The following RGS6 variants were observed in gnomAD, a reference collection of about 807,000 sequenced individuals.
RGS6 encodes the protein regulator of G-protein signaling 6.
RGS6 carries 30 observed loss-of-function variants against 78.5 expected under a neutral mutation model. The observed-to-expected ratio is 0.38, with a 90% CI of 0.29 to 0.52. RGS6 has a LOEUF of 0.52. RGS6 is among the 20% of genes least tolerant of loss of function. The pLI is 0.85. For synonymous variants in RGS6, 206 were observed against 206.0 expected, an observed-to-expected ratio of 1.00 and a Z score of 0.00; for missense variants, 495 against 609.7, an observed-to-expected ratio of 0.81 and a Z score of 1.98.
At chr14:72,429,851 G>A (rs771986303) in intron 3 of RGS6, among the ~76,000 whole-genome samples, 5 of 152,060 alleles carry the variant, frequency 3.3e-5, no homozygotes, top group African/African-American at 7.3e-5. Context: ...TCATGGGAGC[G>A]GTTTCCTCCA....
At chr14:71,880,032 T>C in the RGS6 span, among the ~76,000 whole-genome samples, 1 of 152,204 alleles carries the variant, frequency 6.6e-6, no homozygotes, top group Non-Finnish European at 1.5e-5. Flanking sequence ...TGGTCTCAGA[T>C]GGAGATGAGG....
chr14:72,502,765 AGAAAAGAAAG>A (rs1253762649), intron 13 of RGS6, among the ~76,000 whole-genome samples: 2 of 145,860 alleles, frequency 1.4e-5, no homozygotes, highest in Middle Eastern at 3.4e-3. Flanking sequence ...CTCCATCTCA[AGAAAAGAAAG>A]GAAAAGAAAA....
At chr14:72,039,763 C>T (rs541326274) in intron 2 of RGS6, among the ~76,000 whole-genome samples, 19 of 146,126 alleles carry the variant, frequency 1.3e-4, no homozygotes, top group Admixed American at 3.4e-4. Flanking sequence ...TCTATCTATT[C>T]CTCTTTTCCT....
intron 2 of RGS6, among the ~76,000 whole-genome samples, chr14:72,091,633 G>A (rs2095271647): frequency 6.6e-6 from 1 of 152,184 alleles, no homozygotes; most frequent in African/African-American, 2.4e-5. Flanking sequence ...TAAAGAGAAT[G>A]TAAATGGTTT....
intron 2 of RGS6, among the ~76,000 whole-genome samples, chr14:72,071,476 A>G (rs2332712): frequency 0.71 from 108,166 of 152,108 alleles, 38,564 homozygotes; most frequent in East Asian, 0.81. Flanking sequence ...GTAATTACAA[A>G]TGGCTTTCCA....
the RGS6 span, among the ~76,000 whole-genome samples, chr14:71,878,403 G>C: frequency 2.0e-5 from 3 of 152,190 alleles, no homozygotes; most frequent in African/African-American, 7.2e-5. Flanking sequence ...CCCTAGCCTT[G>C]CTGCTGCCGC....
chr14:72,228,168 C>T (rs2048599461), intron 2 of RGS6, among the ~76,000 whole-genome samples: 2 of 152,172 alleles, frequency 1.3e-5, no homozygotes, highest in South Asian at 4.2e-4. Flanking sequence ...AACTTGAGGC[C>T]AGGAGTTCGA....
intron 17 of RGS6, among the ~76,000 whole-genome samples, chr14:72,559,486 C>T (rs35060690): frequency 0.11 from 17,309 of 152,242 alleles, 1,012 homozygotes; most frequent in South Asian, 0.21. Context: ...CACTGGGTAG[C>T]GAGTAGATTG....
At position 72,087,511 on chromosome 14, in the gene RGS6, A is replaced by G. The variant is rs144465582; in HGVS notation, c.84+122636A>G. On this transcript the variant is annotated intron_variant, in intron 2 of 17. Transcript: ENST00000553525. ...AGTAAAACATGAATAAACTATAGAT[A>G]CATACAACATGGGTCAGTCTTACTA... Among the ~76,000 whole-genome samples the G allele has an allele frequency of 3.7e-3, 571 of 152,326 alleles. 1 individual carries two copies. Among genetic ancestry groups the G allele is most frequent in the Non-Finnish European group, 6.2e-3 (420 of 68,030 alleles).
chr14:72,219,342 A>G (rs542460750), intron 2 of RGS6, among the ~76,000 whole-genome samples: 1 of 152,262 alleles, frequency 6.6e-6, no homozygotes, highest in East Asian at 1.9e-4. Flanking sequence ...TCCACAAATA[A>G]TAAGGATTGA....
At chr14:72,426,696 C>CCA (rs2153135928) in intron 3 of RGS6, among the ~76,000 whole-genome samples, 1 of 152,322 alleles carries the variant, frequency 6.6e-6, no homozygotes, top group Admixed American at 6.5e-5. Context: ...CATCATATTC[C>CCA]TAAAGTTTTA....
intron 2 of RGS6, among the ~76,000 whole-genome samples, chr14:71,982,955 T>G (rs1354105221): frequency 6.6e-6 from 1 of 152,264 alleles, no homozygotes; most frequent in Non-Finnish European, 1.5e-5. Context: ...AGCCTTGGTT[T>G]GCTCTTAAAA....
chr14:71,926,931 A>G, the RGS6 span, among the ~76,000 whole-genome samples: 1 of 152,190 alleles, frequency 6.6e-6, no homozygotes, highest in African/African-American at 2.4e-5. Flanking sequence ...CCTGTCATTG[A>G]TTCTAATCAA....
chr14:72,567,976 C>T (rs1336060979), downstream of RGS6, among the ~76,000 whole-genome samples: 3 of 152,200 alleles, frequency 2.0e-5, no homozygotes, highest in Admixed American at 2.0e-4. Flanking sequence ...AGGAGCAGGG[C>T]CCCCTGGCCA....
chr14:72,227,898 T>A (rs2048516498), intron 2 of RGS6, among the ~76,000 whole-genome samples: 1 of 152,142 alleles, frequency 6.6e-6, no homozygotes, highest in Admixed American at 6.5e-5. Context: ...AAGAGCAATT[T>A]ATGTGCCAGT....
At chr14:72,138,326 A>G (rs2096481140) in intron 2 of RGS6, among the ~76,000 whole-genome samples, 1 of 152,108 alleles carries the variant, frequency 6.6e-6, no homozygotes, top group African/African-American at 2.4e-5. Context: ...AGCATCATAG[A>G]AATGAACATC....
chr14:72,295,351 G>A (rs956403264), intron 2 of RGS6, among the ~76,000 whole-genome samples: 1 of 151,490 alleles, frequency 6.6e-6, no homozygotes, highest in Non-Finnish European at 1.5e-5. Context: ...TCCAGTATAC[G>A]CAACTGTGAA....
intron 2 of RGS6, among the ~76,000 whole-genome samples, chr14:72,229,169 T>C (rs531199427): frequency 1.8e-4 from 28 of 152,184 alleles, no homozygotes; most frequent in Non-Finnish European, 3.1e-4. Context: ...AATAAACCCT[T>C]CTAAAAATTG....
chr14:72,515,618 A>G (rs2096932282), intron 14 of RGS6: 1 of 152,308 alleles, frequency 6.6e-6, no homozygotes, highest in African/African-American at 2.4e-5. Flanking sequence ...GTGAGCCGAG[A>G]TGTAGCCACT....
Sources: gnomAD v4.1 joint callset for allele counts (sites outside exome capture counted in the v4.1 genomes callset) on GRCh38, gnomAD v4.1.1 for gene constraint, MANE v1.5 for transcripts, NCBI Gene and HGNC (gene_info 2026-07-23, HGNC 2026-07-21) for gene names.